RFFL: variants seen among roughly 807,000 people sequenced by gnomAD.
The protein encoded by RFFL is ring finger and FYVE like domain containing E3 ubiquitin protein ligase, also known as E3 ubiquitin-protein ligase rififylin.
Under a neutral mutation model 40.4 loss-of-function variants are expected in RFFL, and 16 were observed. The ratio of observed to expected loss-of-function variants is 0.40; its 90% CI spans 0.27 to 0.60. The LOEUF is 0.60. RFFL is among the 20% of genes least tolerant of loss of function. The pLI is 0.47. For missense variants in RFFL, 367 were observed against 451.7 expected (o/e 0.81, Z 1.70); for synonymous variants, 154 against 167.9 (o/e 0.92, Z 0.64).
chr17:35,067,172 C>CAATG (rs1222000220), upstream of RFFL, among the ~76,000 whole-genome samples: 1 of 149,774 alleles, frequency 6.7e-6, no homozygotes, highest in Non-Finnish European at 1.5e-5. Context: ...GGCTGGAGTG[C>CAATG]AATGGTGCAA....
Position 35,011,906 on chromosome 17 carries a change from C to T in RFFL, c.*62G>A. The T allele has an allele frequency of 1.3e-6, 2 of 1,547,922 alleles. No homozygotes were observed. The highest frequency in any genetic ancestry group is 1.8e-6 in the Non-Finnish European group (2 of 1,131,550). On this transcript the variant is annotated 3_prime_UTR_variant, in exon 7 of 7. Coordinates refer to ENST00000394597, the MANE Select transcript of RFFL (RefSeq NM_001017368.2). ...GCTTGCTCCTCTGCAAGCTGGCCAA[C>T]CCTGAGCCCAGACACCCCAGGCTAT...
At chr17:35,017,220 CAA>C (rs537456297) in intron 4 of RFFL, among the ~76,000 whole-genome samples, 4 of 152,228 alleles carry the variant, frequency 2.6e-5, no homozygotes, top group Admixed American at 2.0e-4. Context: ...AAGGAAAGAA[CAA>C]GACTTTAACA....
upstream of RFFL, among the ~76,000 whole-genome samples, chr17:35,065,859 T>C (rs1394049371): frequency 6.6e-6 from 1 of 152,230 alleles, no homozygotes; most frequent in Non-Finnish European, 1.5e-5. Flanking sequence ...TTTGAACTAG[T>C]GGTTTCAGGC....
chr17:35,083,871 C>A (rs1423059265), intron 1 of RFFL, among the ~76,000 whole-genome samples: 3 of 151,896 alleles, frequency 2.0e-5, no homozygotes, highest in Admixed American at 6.6e-5. Flanking sequence ...AGATAATGCC[C>A]CCCCCACCCT....
intron 1 of RFFL, among the ~76,000 whole-genome samples, chr17:35,044,116 C>A (rs952440751): frequency 6.6e-6 from 1 of 152,330 alleles, no homozygotes; most frequent in East Asian, 1.9e-4. Context: ...TTTATTGAGA[C>A]AAGTCTCTGT....
At chr17:35,055,108 C>T (rs1009312586) in intron 1 of RFFL, among the ~76,000 whole-genome samples, 3 of 151,890 alleles carry the variant, frequency 2.0e-5, no homozygotes, top group African/African-American at 4.8e-5. Context: ...TTAGTAGACA[C>T]GGGGTTTCAC....
At chr17:35,075,229 G>A (rs947451724) in intron 1 of RFFL, among the ~76,000 whole-genome samples, 2 of 152,148 alleles carry the variant, frequency 1.3e-5, no homozygotes, top group African/African-American at 2.4e-5. Context: ...AGGCCCAGGG[G>A]GCTGCTACAA....
Position 35,026,492 on chromosome 17 carries a change from G to A in RFFL, c.62C>T (p.Pro21Leu). 1 of 1,612,214 alleles carries A rather than the reference G, an allele frequency of 6.2e-7. No homozygotes were observed. Among genetic ancestry groups the A allele is most frequent in the Non-Finnish European group, 8.5e-7 (1 of 1,179,412 alleles). Residue 21 changes from proline to leucine, a missense_variant, in exon 2 of 7, where the codon CCC becomes CTC. Transcript: ENST00000394597. ...ATAGGCCTGCATCCTGGCTCCCTGGGGTGGTGGGACCTCCTCAGGCTGTCC... is the reference window on the plus strand; with the variant it reads ...ATAGGCCTGCATCCTGGCTCCCTGGAGTGGTGGGACCTCCTCAGGCTGTCC... ...LDGQPEEVPPPQGARMQAYSN... is the reference protein window; with the variant it reads ...LDGQPEEVPPLQGARMQAYSN...
intron 1 of RFFL, among the ~76,000 whole-genome samples, chr17:35,053,837 C>T (rs1206929148): frequency 6.6e-6 from 1 of 152,182 alleles, no homozygotes; most frequent in African/African-American, 2.4e-5. Context: ...TATTGAAAAG[C>T]AATTATCCTA....
At position 35,009,997 on chromosome 17, in the gene RFFL, ACTC is replaced by A. The variant is rs2090925846; in HGVS notation, c.*1968_*1970del. ...TTCATGAGCAAATCTGATTCCCCCA[ACTC>A]CTGCAAAGGCTGTGGTTCAGAATCA... On this transcript the variant is annotated 3_prime_UTR_variant, in exon 7 of 7. Coordinates refer to ENST00000394597, the MANE Select transcript of RFFL (RefSeq NM_001017368.2). The A allele has an allele frequency of 6.6e-6, 1 of 152,596 alleles. No homozygotes were observed. The highest frequency in any genetic ancestry group is 2.1e-4 in the South Asian group (1 of 4,830). The allele number at this position is 152,596 out of a possible 1,614,324, so 9.5% of individuals were successfully genotyped here. A position where few individuals can be genotyped will look rare whatever the true frequency, so the allele number is the denominator to read the frequency against.
At chr17:35,045,235 T>C (rs1192771967) in intron 1 of RFFL, among the ~76,000 whole-genome samples, 1 of 151,874 alleles carries the variant, frequency 6.6e-6, no homozygotes, top group African/African-American at 2.4e-5. Flanking sequence ...TATAATTCTT[T>C]TTTTTTTCTT....
intron 5 of RFFL, 38 bp downstream of exon 5, chr17:35,016,332 C>T (rs772472412): frequency 4.4e-6 from 7 of 1,585,038 alleles, no homozygotes; most frequent in Middle Eastern, 1.8e-4. Flanking sequence ...GCAAACACTC[C>T]TGAGCTCTGT....
chr17:35,030,615 A>G (rs1396965258), intron 1 of RFFL, among the ~76,000 whole-genome samples: 1 of 151,190 alleles, frequency 6.6e-6, no homozygotes, highest in African/African-American at 2.4e-5. Flanking sequence ...TTGTATTTTT[A>G]GTAGAGACTG....
chr17:35,012,203 T>G (rs1294318810), intron 6 of RFFL, 54 bp from the exon 7 acceptor site: 5 of 1,541,526 alleles, frequency 3.2e-6, no homozygotes, highest in Non-Finnish European at 4.4e-6. Context: ...GGAGAATGTC[T>G]TAAGTGTATA....
intron 1 of RFFL, among the ~76,000 whole-genome samples, chr17:35,034,028 A>C (rs1028906060): frequency 2.0e-5 from 3 of 151,850 alleles, no homozygotes; most frequent in African/African-American, 7.3e-5. Flanking sequence ...CTGTAGTCCC[A>C]GCTACCCGGG....
At chr17:35,037,065 A>G (rs1443880340) in intron 1 of RFFL, among the ~76,000 whole-genome samples, 1 of 152,320 alleles carries the variant, frequency 6.6e-6, no homozygotes, top group East Asian at 1.9e-4. Flanking sequence ...CTTTACACAA[A>G]AGCATAGACA....
At chr17:35,030,208 G>A (rs2091073723) in intron 1 of RFFL, among the ~76,000 whole-genome samples, 1 of 149,274 alleles carries the variant, frequency 6.7e-6, no homozygotes, top group African/African-American at 2.5e-5. Context: ...TATATACCCA[G>A]TAATGGGATG....
intron 1 of RFFL, chr17:35,076,679 A>AAATAATAATAATAATAATAATAAT (rs60726343): frequency 2.2e-5 from 3 of 137,196 alleles, no homozygotes; most frequent in Non-Finnish European, 3.1e-5. Context: ...ACTCCGTCTC[A>AAATAATAATAATAATAATAATAAT]AATAATAATA....
chr17:35,042,543 C>T (rs1008288924), intron 1 of RFFL, among the ~76,000 whole-genome samples: 20 of 151,926 alleles, frequency 1.3e-4, no homozygotes, highest in Non-Finnish European at 2.6e-4. Flanking sequence ...ATTCGGTGGC[C>T]GGGCGCAGTG....
Sources: allele counts gnomAD v4.1 joint callset (sites outside exome capture counted in the v4.1 genomes callset), GRCh38; gene constraint gnomAD v4.1.1; transcripts MANE v1.5; gene names NCBI Gene and HGNC (gene_info 2026-07-23, HGNC 2026-07-21).